TBX4: variants seen among roughly 807,000 people sequenced by gnomAD.
TBX4 encodes T-box transcription factor TBX4.
TBX4 carries 13 observed loss-of-function variants against 54.6 expected under a neutral mutation model. The observed-to-expected ratio is 0.24, with a 90% CI of 0.15 to 0.38. The LOEUF (loss-of-function observed/expected upper bound fraction) is 0.38. TBX4 is among the 10% of genes least tolerant of loss of function. The pLI is 1.00. For synonymous variants in TBX4, 314 were observed against 306.7 expected (o/e 1.02, Z -0.25); for missense variants, 631 against 728.5 (o/e 0.87, Z 1.54).
In TBX4 at chr17:61,476,961, G is replaced by T. The variant is rs746121207; in HGVS notation, c.550-1666G>T. Among the ~76,000 whole-genome samples the T allele has an allele frequency of 9.8e-5, 15 of 152,362 alleles. No individual in the cohort carries two copies. The highest frequency in any genetic ancestry group is 2.6e-4 in the Admixed American group (4 of 15,312). Reference sequence around the variant, plus strand: ...TTCCCAGACTAAGACTTTGGCCAAGGTTTGCCATAAAAGAGCCTGACTCTG... The same window carrying T: ...TTCCCAGACTAAGACTTTGGCCAAGTTTTGCCATAAAAGAGCCTGACTCTG... On this transcript the variant is annotated intron_variant, in intron 5 of 8. Transcript: ENST00000644296. This position sits in a 1 kb window ranked among gnomAD's most constrained non-coding sequence, Gnocchi z 6.5.
rs1043452704 is a variant in TBX4, at chr17:61,480,776, C to T, written c.1021+457C>T. ...GTGCAGGGCCTTCCACCCAATCATT[C>T]CTTCCAGGATCTGCAGAGGCTGCTT... On this transcript the variant is annotated intron_variant, in intron 8 of 8. Transcript: ENST00000644296. The surrounding 1 kb of genome is among the most constrained non-coding windows in gnomAD (Gnocchi z 6.2). 6.6e-6 allele frequency among the ~76,000 whole-genome samples: 1 copy of T among 152,204 alleles called. No individual in the cohort carries two copies. Among genetic ancestry groups the T allele is most frequent in the South Asian group, 2.1e-4 (1 of 4,830 alleles).
In TBX4 at chr17:61,483,437, A is replaced by G. The variant is rs1225395939; in HGVS notation, c.1562A>G (p.Gln521Arg). 6.2e-7 allele frequency: 1 copy of G among 1,614,206 alleles called. No individual in the cohort carries two copies. Among genetic ancestry groups the G allele is most frequent in the Admixed American group, 1.7e-5 (1 of 60,034 alleles). ...LNAANEFLYS[Q>R]TFSLSRESSL... ...GCTGCCAATGAGTTTCTCTACTCTCAAACCTTCTCCTTGTCCCGAGAATCT... is the reference window on the plus strand; with the variant it reads ...GCTGCCAATGAGTTTCTCTACTCTCGAACCTTCTCCTTGTCCCGAGAATCT... Residue 521 changes from glutamine to arginine, a missense_variant, in exon 9 of 9, where the codon CAA (glutamine) becomes CGA (arginine). Physicochemically the swap from Gln to Arg is conservative, Grantham distance 43. This residue lies in a region of TBX4 where 354 missense variants were observed against 368.9 expected (regional missense o/e 0.96). Coordinates refer to ENST00000644296, the MANE Select transcript of TBX4 (RefSeq NM_001321120.2). The surrounding 1 kb of genome is among the most constrained non-coding windows in gnomAD (Gnocchi z 6.6).
chr17:61,456,310 G>A lies in TBX4; in HGVS notation c.-3-178G>A. 4 of 751,270 alleles carry A rather than the reference G, an allele frequency of 5.3e-6. No individual in the cohort carries two copies. In the South Asian group the frequency reaches 6.5e-5, roughly 12 times the overall value. The allele number at this position is 751,270 out of a possible 1,614,324, so 46.5% of individuals were successfully genotyped here. On this transcript the variant is annotated intron_variant, in intron 1 of 8. Transcript: ENST00000644296. Reference sequence around the variant, plus strand: ...CCAGGTCCACAGCCTGAAGGGAGGAGGCGAGGGACCTGCCTTCCTTGCGGG... The same window carrying A: ...CCAGGTCCACAGCCTGAAGGGAGGAAGCGAGGGACCTGCCTTCCTTGCGGG...
In TBX4 at chr17:61,479,834, C is replaced by T; in HGVS notation, c.703-47C>T. 6.3e-7 allele frequency: 1 copy of T among 1,582,596 alleles called. No homozygotes were observed. Among genetic ancestry groups the T allele is most frequent in the Non-Finnish European group, 8.7e-7 (1 of 1,151,296 alleles). The stretch of plus-strand genomic sequence containing the variant: ...ATTTACAAATGTGGAAACTGAGACA[C>T]ATTTGTGTGCCTCACACTGGTGACC... On this transcript the variant is annotated intron_variant, in intron 6 of 8. Coordinates refer to ENST00000644296, the MANE Select transcript of TBX4 (RefSeq NM_001321120.2). The surrounding 1 kb of genome is among the most constrained non-coding windows in gnomAD (Gnocchi z 6.1).
intron 5 of TBX4, among the ~76,000 whole-genome samples, chr17:61,473,534 T>TCC (rs2060596404): frequency 2.0e-5 from 3 of 152,316 alleles, no homozygotes; most frequent in Admixed American, 2.0e-4. Flanking sequence ...GCTATTTATC[T>TCC]CCCTCTTTCC....
chr17:61,462,404 G>C lies in TBX4; in HGVS notation c.282-3415G>C, dbSNP rs1337269109. On this transcript the variant is annotated intron_variant, in intron 3 of 8. Transcript: ENST00000644296. This position sits in a 1 kb window ranked among gnomAD's most constrained non-coding sequence, Gnocchi z 4.5. ...GCGCGGGAGCCCGACGGCGCGAGGGGAACTGGGGGAGCATGGAGAGGGCGC... is the reference window on the plus strand; with the variant it reads ...GCGCGGGAGCCCGACGGCGCGAGGGCAACTGGGGGAGCATGGAGAGGGCGC... Among the ~76,000 whole-genome samples the C allele has an allele frequency of 6.6e-6, 1 of 152,168 alleles. No individual in the cohort carries two copies. The highest frequency in any genetic ancestry group is 1.5e-5 in the Non-Finnish European group (1 of 68,030).
rs1393231963 is a variant in TBX4 at position 61,465,542 on chromosome 17, G to T, written c.282-277G>T. ...CCCCAAGTCTTAGGGGATTATGGGG[G>T]AGGGGATAAGTGAATTTGGGAAATG... On this transcript the variant is annotated intron_variant, in intron 3 of 8. Coordinates refer to ENST00000644296, the MANE Select transcript of TBX4 (RefSeq NM_001321120.2). The surrounding 1 kb of genome is among the most constrained non-coding windows in gnomAD (Gnocchi z 4.9). 6.6e-6 allele frequency among the ~76,000 whole-genome samples: 1 copy of T among 152,232 alleles called. No individual in the cohort carries two copies. The highest frequency in any genetic ancestry group is 2.4e-5 in the African/African-American group (1 of 41,460).
At position 61,465,977 on chromosome 17, in the gene TBX4, C is replaced by T. The variant is rs772818140; in HGVS notation, c.401+39C>T. The T allele has an allele frequency of 1.2e-6, 2 of 1,612,138 alleles. No homozygotes were observed. Among genetic ancestry groups the T allele is most frequent in the Non-Finnish European group, 1.7e-6 (2 of 1,178,800 alleles). ...GACCGCATCACCCACGTTCCCTCAA[C>T]TGCCCACTTGCCACGCCCCCACCTA... is the stretch of plus-strand genomic sequence containing the variant. On this transcript the variant is annotated intron_variant, in intron 4 of 8. Coordinates refer to ENST00000644296, the MANE Select transcript of TBX4 (RefSeq NM_001321120.2). This position sits in a 1 kb window ranked among gnomAD's most constrained non-coding sequence, Gnocchi z 4.9.
At chr17:61,455,712 T>G (rs1359582558) in intron 1 of TBX4, among the ~76,000 whole-genome samples, 1 of 152,122 alleles carries the variant, frequency 6.6e-6, no homozygotes, top group African/African-American at 2.4e-5. Flanking sequence ...TGAGTGAGCC[T>G]GTAGGTTCGA....
chr17:61,453,374 T>C (rs1034304610), intron 1 of TBX4, among the ~76,000 whole-genome samples: 1 of 152,206 alleles, frequency 6.6e-6, no homozygotes, highest in Non-Finnish European at 1.5e-5. Flanking sequence ...ATGAAAATAC[T>C]ATTAAGGGAA....
At position 61,480,940 on chromosome 17, in the gene TBX4, A is replaced by G. The variant is rs550722412; in HGVS notation, c.1021+621A>G. 4.6e-5 allele frequency among the ~76,000 whole-genome samples: 7 copies of G among 152,310 alleles called. No individual in the cohort carries two copies. In the East Asian group the frequency reaches 1.3e-3, roughly 29 times the overall value. ...CATCTGTGCTCTGTGCCAGGTCTTG[A>G]TTCCTCCATGGATAGAATTGCAATG... On this transcript the variant is annotated intron_variant, in intron 8 of 8. Coordinates refer to ENST00000644296, the MANE Select transcript of TBX4 (RefSeq NM_001321120.2). The surrounding 1 kb of genome is among the most constrained non-coding windows in gnomAD (Gnocchi z 6.2).
At chr17:61,469,325 G>A in intron 5 of TBX4, among the ~76,000 whole-genome samples, 1 of 152,228 alleles carries the variant, frequency 6.6e-6, no homozygotes, top group Admixed American at 6.5e-5. Flanking sequence ...GGGTCTGTGA[G>A]TGGTTTGTGA....
rs1225897907 is a variant in TBX4 at position 61,478,615 on chromosome 17, C to T, written c.550-12C>T. On this transcript the variant is annotated splice_polypyrimidine_tract_variant and intron_variant, in intron 5 of 8. Coordinates refer to ENST00000644296, the MANE Select transcript of TBX4 (RefSeq NM_001321120.2). This position sits in a 1 kb window ranked among gnomAD's most constrained non-coding sequence, Gnocchi z 7.4. ...GGGACCTGGAGCTCAGCATGAGACC[C>T]TTCTCTTCCAGATCATCCTCAACTC... 1 of 1,614,104 alleles carries T rather than the reference C, an allele frequency of 6.2e-7. No homozygotes were observed. Among genetic ancestry groups the T allele is most frequent in the African/African-American group, 1.3e-5 (1 of 74,938 alleles).
In TBX4 at chr17:61,483,428, T is replaced by A; in HGVS notation, c.1553T>A (p.Leu518His). The A allele has an allele frequency of 1.9e-6, 3 of 1,614,116 alleles. No individual in the cohort carries two copies. Among genetic ancestry groups the A allele is most frequent in the Non-Finnish European group, 2.5e-6 (3 of 1,179,970 alleles). The change falls in exon 9 of 9, where the codon CTC becomes CAC. Residue 518 changes from leucine (L) to histidine (H), a missense_variant. By Grantham distance (99) the Leu-to-His change is moderately conservative. This residue lies in a region of TBX4 where 354 missense variants were observed against 368.9 expected (regional missense o/e 0.96). Coordinates refer to ENST00000644296, the MANE Select transcript of TBX4 (RefSeq NM_001321120.2). The surrounding 1 kb of genome is among the most constrained non-coding windows in gnomAD (Gnocchi z 6.6). ...SPHLNAANEF[L>H]YSQTFSLSRE... is the part of the protein sequence containing the mutation. ...CATCTAAATGCTGCCAATGAGTTTC[T>A]CTACTCTCAAACCTTCTCCTTGTCC...
chr17:61,483,350 TC>T lies in TBX4; in HGVS notation c.1478del (p.Pro493GlnfsTer19). ...CGAGAGCGGGGGCCCAGCGCCTCAT[TC>T]CCAAGAGAGCGCGGCCTCCCCCAAG... is the stretch of plus-strand genomic sequence containing the variant. ...QVRERGPSAS[F>X]PRERGLPQGC... On this transcript the variant is annotated frameshift_variant, in exon 9 of 9. Transcript: ENST00000644296. LOFTEE classifies it high-confidence loss of function. This position sits in a 1 kb window ranked among gnomAD's most constrained non-coding sequence, Gnocchi z 6.6. 6.2e-7 allele frequency: 1 copy of T among 1,609,086 alleles called. No individual in the cohort carries two copies. Among genetic ancestry groups the T allele is most frequent in the Non-Finnish European group, 8.5e-7 (1 of 1,176,324 alleles).
chr17:61,456,532 C>A lies in TBX4; in HGVS notation c.42C>A (p.Phe14Leu). 1 of 1,559,486 alleles carries A rather than the reference C, an allele frequency of 6.4e-7. No individual in the cohort carries two copies. The highest frequency in any genetic ancestry group is 8.7e-7 in the Non-Finnish European group (1 of 1,152,410). The change falls in exon 2 of 9, where the codon TTC becomes TTA. Residue 14 changes from phenylalanine (F) to leucine (L), a missense_variant. Physicochemically the swap from Phe to Leu is conservative, Grantham distance 22 (BLOSUM62 0). This residue lies in a region of TBX4 where 123 missense variants were observed against 120.9 expected (regional missense o/e 1.02). Coordinates refer to ENST00000644296, the MANE Select transcript of TBX4 (RefSeq NM_001321120.2). ...GCCTGTCCGAGAGCGAGGAGGCCTTCCGGGCCCCGGGCCCAGCGCTCGGAG... is the reference window on the plus strand; with the variant it reads ...GCCTGTCCGAGAGCGAGGAGGCCTTACGGGCCCCGGGCCCAGCGCTCGGAG... ...DKGLSESEEAFRAPGPALGEA... is the reference protein window; with the variant it reads ...DKGLSESEEALRAPGPALGEA...
chr17:61,469,033 C>T (rs928952144), intron 5 of TBX4, among the ~76,000 whole-genome samples: 1 of 152,178 alleles, frequency 6.6e-6, no homozygotes, highest in African/African-American at 2.4e-5. Context: ...CCATGGGGGG[C>T]GAATACAGAG....
chr17:61,467,585 C>T lies in TBX4; in HGVS notation c.477C>T (p.Ala159=). 6.2e-7 allele frequency: 1 copy of T among 1,614,190 alleles called. No homozygotes were observed. The highest frequency in any genetic ancestry group is 8.5e-7 in the Non-Finnish European group (1 of 1,180,018). ...YVHPDSPATG[A]HWMRQLVSFQ... ...ACCCGGATTCTCCTGCCACAGGAGCCCACTGGATGCGGCAGCTGGTCTCCT... is the reference window on the plus strand; with the variant it reads ...ACCCGGATTCTCCTGCCACAGGAGCTCACTGGATGCGGCAGCTGGTCTCCT... The change falls in exon 5 of 9, where the codon GCC becomes GCT. Residue 159 remains alanine, a synonymous_variant. Transcript: ENST00000644296.
chr17:61,465,712 G>C lies in TBX4; in HGVS notation c.282-107G>C. ...GCTGTGACCAATGCCAGGATCGCTG[G>C]CCAAAAGGGCAGCATCTGTTAGCGG... On this transcript the variant is annotated intron_variant, in intron 3 of 8. Transcript: ENST00000644296. This position sits in a 1 kb window ranked among gnomAD's most constrained non-coding sequence, Gnocchi z 4.9. 1 of 1,467,940 alleles carries C rather than the reference G, an allele frequency of 6.8e-7. No homozygotes were observed. The allele number at this position is 1,467,940 out of a possible 1,614,324, so 90.9% of individuals were successfully genotyped here.
Sources: allele counts gnomAD v4.1 joint callset (sites outside exome capture counted in the v4.1 genomes callset), GRCh38; gene constraint gnomAD v4.1.1; regional missense constraint gnomAD v4.1.1; non-coding constraint Gnocchi (gnomAD v3.1); transcripts MANE v1.5; gene names NCBI Gene and HGNC (gene_info 2026-07-23, HGNC 2026-07-21).